The following RARS2 variants were observed in gnomAD, a reference collection of about 807,000 sequenced individuals.
RARS2 encodes the protein probable arginine--tRNA ligase, mitochondrial.
In RARS2, 67 loss-of-function variants were observed where a neutral mutation model predicts 88.5. The observed-to-expected ratio is 0.76, with a 90% confidence interval of 0.62 to 0.93. The LOEUF (loss-of-function observed/expected upper bound fraction) is 0.93. RARS2 is among the 40% of genes least tolerant of loss of function. RARS2 has a pLI of 0.00. For synonymous variants in RARS2, 239 were observed against 230.3 expected, an observed-to-expected ratio of 1.04 and a Z score of -0.34; for missense variants, 664 against 684.2, an observed-to-expected ratio of 0.97 and a Z score of 0.33.
At chr6:87,570,178 T>C (rs1174793229) in intron 1 of RARS2, among the ~76,000 whole-genome samples, 2 of 152,172 alleles carry the variant, frequency 1.3e-5, no homozygotes, top group Admixed American at 6.5e-5. Context: ...TATATACATA[T>C]ATTTTGTAGC....
rs550262538 is a variant in RARS2 at position 87,548,752 on chromosome 6, G to C, written c.396-106C>G. ...GACAAAACTGTGGAGTATGGCCTTT[G>C]GTATTAGGGCAAAGATAAGTTAAAA... On this transcript the variant is annotated intron_variant, in intron 5 of 19. Transcript: ENST00000369536. 554 of 995,216 alleles carry C rather than the reference G, an allele frequency of 5.6e-4. 2 individuals are homozygous for C. Among genetic ancestry groups the C allele is most frequent in the Middle Eastern group, 1.5e-3 (7 of 4,688 alleles). 61.6% of individuals were successfully genotyped at this position (995,216 alleles called of 1,614,324 possible).
At chr6:87,545,808 AT>A in intron 6 of RARS2, 109 bp from the exon 7 acceptor site, 1 of 1,286,972 alleles carries the variant, frequency 7.8e-7, no homozygotes. Context: ...TTTTCACTAA[AT>A]TTACCAACTC....
rs1368231663 is a variant in RARS2 at position 87,524,669 on chromosome 6, G to C, written c.879-17C>G. On this transcript the variant is annotated splice_polypyrimidine_tract_variant and intron_variant, in intron 10 of 19. Coordinates refer to ENST00000369536, the MANE Select transcript of RARS2 (RefSeq NM_020320.5). ...GTTCCTTTTCTAGAAATTCGAAAAG[G>C]TAACTCTGAAGCAACATAATAAATT... 4.5e-6 allele frequency: 7 copies of C among 1,550,406 alleles called. 1 individual carries two copies. In the Admixed American group the frequency reaches 8.3e-5, roughly 18 times the overall value.
chr6:87,548,923 G>C (rs1338645403), intron 5 of RARS2, among the ~76,000 whole-genome samples: 3 of 152,142 alleles, frequency 2.0e-5, no homozygotes, highest in African/African-American at 7.2e-5. Flanking sequence ...ATTTAAAAAT[G>C]TAAAAATACC....
At chr6:87,529,768 A>C in intron 9 of RARS2, 120 bp from the exon 10 acceptor site, 1 of 723,548 alleles carries the variant, frequency 1.4e-6, no homozygotes, top group Non-Finnish European at 2.5e-6. Context: ...TAAAAATTAA[A>C]TCAAGGGCTG....
At chr6:87,587,900 A>C (rs1267114585) in intron 1 of RARS2, among the ~76,000 whole-genome samples, 2 of 152,116 alleles carry the variant, frequency 1.3e-5, no homozygotes, top group African/African-American at 4.8e-5. Flanking sequence ...CTTCCCAAGC[A>C]GCTGGGACCA....
chr6:87,529,486 CA>C, intron 10 of RARS2, 55 bp downstream of exon 10: 1 of 1,124,706 alleles, frequency 8.9e-7, no homozygotes, highest in Non-Finnish European at 1.4e-6. Context: ...AAGGATACAT[CA>C]ATAACAATTT....
intron 8 of RARS2, among the ~76,000 whole-genome samples, chr6:87,531,659 T>C (rs56386021): frequency 0.12 from 18,403 of 152,180 alleles, 1,200 homozygotes; most frequent in African/African-American, 0.16. Context: ...TTTAGTTCCA[T>C]ACTCAGCCAA....
At position 87,514,442 on chromosome 6, in the gene RARS2, G is replaced by A. The variant is rs144242932; in HGVS notation, c.1708C>T (p.Leu570Phe). 4.3e-6 allele frequency: 7 copies of A among 1,612,150 alleles called. No individual in the cohort carries two copies. Among genetic ancestry groups the A allele is most frequent in the African/African-American group, 1.3e-5 (1 of 74,826 alleles). Residue 570 changes from leucine (L) to phenylalanine (F), a missense_variant, in exon 20 of 20, where the codon CTT becomes TTT. By Grantham distance (22) the Leu-to-Phe change is conservative (BLOSUM62 0). Transcript: ENST00000369536. ...ATCCTACATACAGGTGTTATTCCAA[G>A]AAGTTTCATTCCATTGGCTAGGACA... is the stretch of plus-strand genomic sequence containing the variant. Reference protein sequence around the residue: ...RSVLANGMKLLGITPVCRM With the variant: ...RSVLANGMKLFGITPVCRM
At chr6:87,536,208 T>C (rs984034668) in intron 8 of RARS2, among the ~76,000 whole-genome samples, 1 of 152,190 alleles carries the variant, frequency 6.6e-6, no homozygotes, top group Non-Finnish European at 1.5e-5. Context: ...GATAATAAAG[T>C]CTATTCAAAT....
At chr6:87,532,963 C>T (rs1202579617) in intron 8 of RARS2, among the ~76,000 whole-genome samples, 1 of 152,170 alleles carries the variant, frequency 6.6e-6, no homozygotes, top group East Asian at 1.9e-4. Flanking sequence ...CTTAACGGTC[C>T]AGTATACAGA....
chr6:87,531,077 A>G (rs975825578), intron 8 of RARS2, 135 bp from the exon 9 acceptor site: 4 of 1,411,084 alleles, frequency 2.8e-6, no homozygotes, highest in Non-Finnish European at 3.8e-6. Flanking sequence ...ACAGAGTGTA[A>G]CTTTTTCTTT....
chr6:87,524,062 T>C (rs954243334), intron 11 of RARS2, among the ~76,000 whole-genome samples: 10 of 152,346 alleles, frequency 6.6e-5, no homozygotes, highest in Non-Finnish European at 1.3e-4. Context: ...TGACTTTGTG[T>C]TACAAAAGTG....
chr6:87,529,122 C>A (rs781705766), intron 10 of RARS2, among the ~76,000 whole-genome samples: 1 of 152,166 alleles, frequency 6.6e-6, no homozygotes, highest in South Asian at 2.1e-4. Flanking sequence ...CTGTTTTCAT[C>A]ATTTTCCTCA....
intron 1 of RARS2, among the ~76,000 whole-genome samples, chr6:87,577,717 G>A (rs1772005179): frequency 6.6e-6 from 1 of 152,194 alleles, no homozygotes; most frequent in Non-Finnish European, 1.5e-5. Context: ...AACTTTGAGT[G>A]AGAAAGTTAC....
chr6:87,565,640 T>C (rs1767639021), intron 2 of RARS2, among the ~76,000 whole-genome samples: 2 of 152,214 alleles, frequency 1.3e-5, no homozygotes, highest in African/African-American at 4.8e-5. Context: ...CAGTACTCAT[T>C]ACATCATTCT....
chr6:87,567,081 G>A (rs1030952962), intron 2 of RARS2, among the ~76,000 whole-genome samples: 5 of 151,776 alleles, frequency 3.3e-5, no homozygotes, highest in Admixed American at 1.3e-4. Context: ...GTGAAACCCC[G>A]TCTCTACTAA....
At chr6:87,553,632 G>C (rs1784980579) in intron 5 of RARS2, among the ~76,000 whole-genome samples, 1 of 152,138 alleles carries the variant, frequency 6.6e-6, no homozygotes, top group African/African-American at 2.4e-5. Flanking sequence ...GTTGCCTATG[G>C]GCTTAGGTTT....
intron 7 of RARS2, among the ~76,000 whole-genome samples, chr6:87,542,531 C>T (rs1317568249): frequency 4.0e-5 from 6 of 151,892 alleles, no homozygotes; most frequent in Non-Finnish European, 8.8e-5. Context: ...CTTGGAACAT[C>T]CTTGATTATT....
Sources: allele counts gnomAD v4.1 joint callset (sites outside exome capture counted in the v4.1 genomes callset), GRCh38; gene constraint gnomAD v4.1.1; transcripts MANE v1.5; gene names NCBI Gene and HGNC (gene_info 2026-07-23, HGNC 2026-07-21).